Variants in TTBK2 observed in about 807,000 individuals in gnomAD.
TTBK2 encodes tau-tubulin kinase 2.
Under a neutral mutation model 110.8 loss-of-function variants are expected in TTBK2, and 28 were observed. The observed-to-expected ratio is 0.25, with a 90% CI of 0.19 to 0.35. The LOEUF is 0.35. Among genes scored for constraint, TTBK2 ranks in the 10% least tolerant of loss-of-function variants. The probability of loss-of-function intolerance (pLI) is 1.00; values close to 1 mark genes in which losing one functional copy is unlikely to be tolerated. For missense variants in TTBK2, 1,369 were observed against 1,500.3 expected, an observed-to-expected ratio of 0.91 and a Z score of 1.45; for synonymous variants, 532 against 527.3, an observed-to-expected ratio of 1.01 and a Z score of -0.12.
chr15:42,912,851 C>T (rs571388413), intron 1 of TTBK2, among the ~76,000 whole-genome samples: 4 of 152,218 alleles, frequency 2.6e-5, no homozygotes, highest in East Asian at 3.9e-4. Flanking sequence ...ATAGGCCGGG[C>T]GCGGTGGCTC....
intron 9 of TTBK2, among the ~76,000 whole-genome samples, chr15:42,800,519 G>C (rs1035268322): frequency 2.6e-5 from 4 of 152,312 alleles, no homozygotes; most frequent in African/African-American, 9.6e-5. Flanking sequence ...TTATTTGTAA[G>C]GTGATATTAA....
At chr15:42,880,021 A>G (rs1175793704) in intron 1 of TTBK2, among the ~76,000 whole-genome samples, 1 of 151,946 alleles carries the variant, frequency 6.6e-6, no homozygotes, top group Non-Finnish European at 1.5e-5. Context: ...AAAGAAAAGA[A>G]AAGAAAAACA....
intron 1 of TTBK2, among the ~76,000 whole-genome samples, chr15:42,896,189 A>G (rs1010774316): frequency 2.4e-4 from 36 of 152,098 alleles, no homozygotes; most frequent in African/African-American, 8.4e-4. Context: ...TTAGCTGGGT[A>G]TGGTGGCACA....
intron 9 of TTBK2, among the ~76,000 whole-genome samples, chr15:42,797,195 T>C (rs1421985264): frequency 6.6e-6 from 1 of 152,268 alleles, no homozygotes; most frequent in Admixed American, 6.5e-5. Context: ...GGAGCCTTGC[T>C]ATGTGAGCAC....
intron 13 of TTBK2, among the ~76,000 whole-genome samples, chr15:42,767,869 T>C (rs1332716165): frequency 6.6e-6 from 1 of 152,190 alleles, no homozygotes; most frequent in Admixed American, 6.5e-5. Context: ...CTCAATAAAA[T>C]ACCGGCAAAC....
intron 6 of TTBK2, 151 bp from the exon 7 acceptor site, chr15:42,817,248 G>A: frequency 1.2e-5 from 5 of 411,748 alleles, no homozygotes; most frequent in East Asian, 5.4e-5. Context: ...GAAATTACAA[G>A]AAACTAGAGA....
At chr15:42,901,984 G>A (rs1014372066) in intron 1 of TTBK2, among the ~76,000 whole-genome samples, 1 of 152,182 alleles carries the variant, frequency 6.6e-6, no homozygotes, top group South Asian at 2.1e-4. Context: ...GGGAGGCTGA[G>A]GCCGGCAGAT....
intron 3 of TTBK2, among the ~76,000 whole-genome samples, chr15:42,841,877 A>G (rs924134021): frequency 8.5e-5 from 13 of 152,346 alleles, no homozygotes; most frequent in Admixed American, 6.5e-4. Flanking sequence ...GTTGAATTTT[A>G]GGACAATCAA....
intron 1 of TTBK2, among the ~76,000 whole-genome samples, chr15:42,881,696 AC>A (rs1456689986): frequency 6.6e-6 from 1 of 151,940 alleles, no homozygotes; most frequent in South Asian, 2.1e-4. Flanking sequence ...ACATGGTGAA[AC>A]CCCATCTCTA....
chr15:42,774,187 C>T (rs988776113), intron 13 of TTBK2, among the ~76,000 whole-genome samples: 5 of 152,134 alleles, frequency 3.3e-5, no homozygotes, highest in Admixed American at 2.6e-4. Context: ...TAATAGAAAA[C>T]CTTTCAGTTT....
chr15:42,847,178 C>A (rs1279857947), intron 3 of TTBK2, among the ~76,000 whole-genome samples: 1 of 152,106 alleles, frequency 6.6e-6, no homozygotes, highest in East Asian at 1.9e-4. Flanking sequence ...TGTGCATTCT[C>A]CTAATGTTTA....
At chr15:42,830,699 T>C (rs1595959699) in intron 4 of TTBK2, among the ~76,000 whole-genome samples, 1 of 151,570 alleles carries the variant, frequency 6.6e-6, no homozygotes, top group Admixed American at 6.6e-5. Flanking sequence ...TACATTTATA[T>C]TTATTTATTT....
In TTBK2 at chr15:42,816,116, A is replaced by ATG. The variant is rs1324566255; in HGVS notation, c.603+915_603+916insCA. 3.3e-4 allele frequency among the ~76,000 whole-genome samples: 40 copies of ATG among 121,044 alleles called. 1 individual carries two copies. Among genetic ancestry groups the ATG allele is most frequent in the African/African-American group, 1.3e-3 (38 of 28,714 alleles). The allele number at this position is 121,044 out of a possible 152,430, so 79.4% of individuals were successfully genotyped here. On this transcript the variant is annotated intron_variant, in intron 7 of 14. Transcript: ENST00000267890. ...TATATATATATATATATATATATAT[A>ATG]TATGTGTATATTTTTTTTGAGACAG...
At chr15:42,748,929 G>C (rs1237861980) in intron 14 of TTBK2, among the ~76,000 whole-genome samples, 4 of 152,112 alleles carry the variant, frequency 2.6e-5, no homozygotes, top group African/African-American at 7.2e-5. Flanking sequence ...TTATAATCAA[G>C]ATAAACAGCA....
intron 13 of TTBK2, among the ~76,000 whole-genome samples, chr15:42,769,923 A>G (rs556800003): frequency 6.6e-5 from 10 of 152,338 alleles, no homozygotes; most frequent in Admixed American, 1.3e-4. Context: ...CTATGCAGCC[A>G]TAAAAAGGAT....
chr15:42,816,728 G>A (rs923657987), intron 7 of TTBK2, among the ~76,000 whole-genome samples: 21 of 151,962 alleles, frequency 1.4e-4, no homozygotes, highest in African/African-American at 5.1e-4. Context: ...GACCAGCCTG[G>A]CCAACATGGT....
intron 14 of TTBK2, among the ~76,000 whole-genome samples, chr15:42,746,932 C>A (rs2061801136): frequency 6.6e-6 from 1 of 151,136 alleles, no homozygotes; most frequent in Non-Finnish European, 1.5e-5. Context: ...TGACTGCCCA[C>A]TCCATACTGG....
chr15:42,908,800 C>T (rs972801662), intron 1 of TTBK2, among the ~76,000 whole-genome samples: 5 of 152,140 alleles, frequency 3.3e-5, no homozygotes, highest in Non-Finnish European at 5.9e-5. Context: ...TCCCCATGTA[C>T]ACCAGCAAAC....
intron 6 of TTBK2, among the ~76,000 whole-genome samples, chr15:42,826,999 C>T (rs1024091359): frequency 6.5e-4 from 99 of 152,118 alleles, no homozygotes; most frequent in African/African-American, 2.3e-3. Context: ...TTTTAGAAGC[C>T]ACAATTTGAT....
Sources: allele counts gnomAD v4.1 joint callset (sites outside exome capture counted in the v4.1 genomes callset), GRCh38; gene constraint gnomAD v4.1.1; transcripts MANE v1.5; gene names NCBI Gene and HGNC (gene_info 2026-07-23, HGNC 2026-07-21).